The following FYN variants were observed in gnomAD, a reference collection of about 807,000 sequenced individuals.
FYN encodes FYN proto-oncogene, Src family tyrosine kinase.
A neutral mutation model predicts 70.2 loss-of-function variants in FYN; 10 were observed. The ratio of observed to expected loss-of-function variants is 0.14; its 90% CI spans 0.09 to 0.24. The LOEUF (loss-of-function observed/expected upper bound fraction) is 0.24, where lower values mean the gene tolerates loss of function less well. Among genes scored for constraint, FYN ranks in the 10% least tolerant of loss-of-function variants. The pLI, the probability that FYN is intolerant of heterozygous loss-of-function variation, is 1.00. For synonymous variants in FYN, 236 were observed against 248.6 expected (o/e 0.95, Z 0.48); for missense variants, 319 against 673.1 (o/e 0.47, Z 5.82).
chr6:111,666,417 A>G (rs1798009156), intron 13 of FYN, among the ~76,000 whole-genome samples: 1 of 151,766 alleles, frequency 6.6e-6, no homozygotes. Context: ...GCCACTGCCC[A>G]ATTTTGTTCC....
intron 8 of FYN, among the ~76,000 whole-genome samples, 165 bp from the exon 9 acceptor site, chr6:111,700,433 G>A (rs1799779686): frequency 1.3e-5 from 2 of 152,110 alleles, no homozygotes; most frequent in South Asian, 4.1e-4. Flanking sequence ...AGCACACAGC[G>A]CTCCTTAAAC....
chr6:111,738,075 C>T (rs1801785951), intron 3 of FYN, among the ~76,000 whole-genome samples: 1 of 152,180 alleles, frequency 6.6e-6, no homozygotes, highest in African/African-American at 2.4e-5. Flanking sequence ...GCAATTCCAA[C>T]ATAAAGTGAT....
chr6:111,832,876 G>C (rs561138932), intron 2 of FYN, among the ~76,000 whole-genome samples: 2 of 152,244 alleles, frequency 1.3e-5, no homozygotes, highest in East Asian at 3.9e-4. Flanking sequence ...CTGGGATCAA[G>C]TAAATCTGAT....
chr6:111,684,690 G>A (rs1362342143), intron 12 of FYN, among the ~76,000 whole-genome samples: 1 of 152,182 alleles, frequency 6.6e-6, no homozygotes, highest in Non-Finnish European at 1.5e-5. Context: ...TTGCAACGGT[G>A]ACCAATGACA....
chr6:111,771,977 TG>T (rs529860890), intron 3 of FYN, among the ~76,000 whole-genome samples: 2 of 152,066 alleles, frequency 1.3e-5, no homozygotes, highest in Non-Finnish European at 2.9e-5. Context: ...AGAGGGAACA[TG>T]GAATTGTTGA....
chr6:111,829,048 T>C (rs553336651), intron 2 of FYN, among the ~76,000 whole-genome samples: 2 of 152,366 alleles, frequency 1.3e-5, no homozygotes, highest in Admixed American at 6.5e-5. Flanking sequence ...CAGAATCCAT[T>C]TTCCACACAT....
chr6:111,667,275 G>C (rs916048783), intron 13 of FYN, among the ~76,000 whole-genome samples: 3 of 152,018 alleles, frequency 2.0e-5, no homozygotes, highest in African/African-American at 7.3e-5. Context: ...GTCTTGCTCT[G>C]TCACCCAGCC....
chr6:111,678,379 G>A (rs1358750), intron 12 of FYN, among the ~76,000 whole-genome samples: 3,425 of 152,142 alleles, frequency 0.023, 41 homozygotes, highest in South Asian at 0.036. Flanking sequence ...GTTAGCCTTA[G>A]GCTGAATTAT....
chr6:111,867,348 G>C (rs945244947), intron 1 of FYN, among the ~76,000 whole-genome samples: 6 of 151,414 alleles, frequency 4.0e-5, no homozygotes, highest in Admixed American at 6.6e-5. Flanking sequence ...CCAGCTACTC[G>C]GGAGGCTGAG....
At chr6:111,860,033 C>T (rs1773918276) in intron 1 of FYN, among the ~76,000 whole-genome samples, 1 of 151,968 alleles carries the variant, frequency 6.6e-6, no homozygotes, top group South Asian at 2.1e-4. Flanking sequence ...CCAAGGAAAG[C>T]CAAGGTTTGC....
chr6:111,745,788 T>G (rs1475012547), intron 3 of FYN, among the ~76,000 whole-genome samples: 6 of 152,366 alleles, frequency 3.9e-5, no homozygotes, highest in Admixed American at 2.0e-4. Flanking sequence ...CAAAACATCC[T>G]GGCTTAAGAG....
In FYN at chr6:111,719,798, G is replaced by A. The variant is rs754998687; in HGVS notation, c.247+7C>T. On this transcript the variant is annotated splice_region_variant and intron_variant, in intron 4 of 13. Transcript: ENST00000354650. ...CCTCTCTGCACTCTGTGACTTTGGG[G>A]GCTTACCTGTTCCTCCTCTCGTACG... 54 of 1,613,270 alleles carry A rather than the reference G, an allele frequency of 3.3e-5. No homozygotes were observed. Among genetic ancestry groups the A allele is most frequent in the Non-Finnish European group, 4.3e-5 (51 of 1,179,440 alleles).
At chr6:111,684,431 A>G (rs1583303067) in intron 12 of FYN, among the ~76,000 whole-genome samples, 1 of 152,188 alleles carries the variant, frequency 6.6e-6, no homozygotes, top group East Asian at 1.9e-4. Flanking sequence ...TGAACCCAGG[A>G]CAACTAGAGG....
chr6:111,824,855 G>A (rs1006564754), intron 2 of FYN, among the ~76,000 whole-genome samples: 2 of 152,182 alleles, frequency 1.3e-5, no homozygotes, highest in African/African-American at 4.8e-5. Flanking sequence ...AAGGTTATCT[G>A]AATCAAGTTC....
At chr6:111,834,453 T>C (rs1773115936) in intron 2 of FYN, among the ~76,000 whole-genome samples, 1 of 152,158 alleles carries the variant, frequency 6.6e-6, no homozygotes, top group Non-Finnish European at 1.5e-5. Context: ...GCCTTGGGCT[T>C]GGACTCGTCT....
intron 2 of FYN, among the ~76,000 whole-genome samples, chr6:111,789,727 T>C (rs1257258127): frequency 1.3e-5 from 2 of 152,248 alleles, no homozygotes; most frequent in African/African-American, 2.4e-5. Flanking sequence ...TGTTCTGTAG[T>C]GTACTTGAAT....
intron 4 of FYN, 74 bp from the exon 5 acceptor site, chr6:111,714,517 C>T: frequency 1.9e-6 from 2 of 1,062,570 alleles, no homozygotes; most frequent in East Asian, 4.8e-5. Context: ...TAAATCTTCA[C>T]TAAAATCTCA....
rs79512533 is a variant in FYN at position 111,864,672 on chromosome 6, T to C, written c.-123+8296A>G. On this transcript the variant is annotated intron_variant, in intron 1 of 13. Coordinates refer to ENST00000354650, the MANE Select transcript of FYN (RefSeq NM_002037.5). Reference sequence around the variant, plus strand: ...GGGGAGTCATCAGAAAGGGTGAGACTTCCACGGTGGGTAAAGGTGCCTCTG... The same window carrying C: ...GGGGAGTCATCAGAAAGGGTGAGACCTCCACGGTGGGTAAAGGTGCCTCTG... Among the ~76,000 whole-genome samples, 1,101 of 152,198 alleles carry C rather than the reference T, an allele frequency of 7.2e-3. 9 individuals are homozygous for C. Among genetic ancestry groups the C allele is most frequent in the African/African-American group, 0.025 (1,034 of 41,522 alleles).
intron 12 of FYN, among the ~76,000 whole-genome samples, chr6:111,675,967 T>A (rs1235020224): frequency 6.6e-6 from 1 of 152,108 alleles, no homozygotes; most frequent in African/African-American, 2.4e-5. Context: ...TTATTACTTA[T>A]GGAAACACAG....
Sources: gnomAD v4.1 joint callset for allele counts (sites outside exome capture counted in the v4.1 genomes callset) on GRCh38, gnomAD v4.1.1 for gene constraint, MANE v1.5 for transcripts, NCBI Gene and HGNC (gene_info 2026-07-23, HGNC 2026-07-21) for gene names.